Variants in KCNIP1 observed in about 807,000 individuals in gnomAD.
KCNIP1 encodes the protein A-type potassium channel modulatory protein KCNIP1.
In KCNIP1, 18 loss-of-function variants were observed where a neutral mutation model predicts 33.0. That is an observed-to-expected ratio of 0.55 (90% CI 0.38 to 0.81). The LOEUF (loss-of-function observed/expected upper bound fraction) is 0.81, where lower values mean the gene tolerates loss of function less well. Ranked by LOEUF, KCNIP1 falls within the 30% of genes least tolerant of loss-of-function variation. KCNIP1 has a pLI of 0.00. For missense variants in KCNIP1, 238 were observed against 271.6 expected, an observed-to-expected ratio of 0.88 and a Z score of 0.87; for synonymous variants, 93 against 98.3, an observed-to-expected ratio of 0.95 and a Z score of 0.32.
intron 1 of KCNIP1, among the ~76,000 whole-genome samples, chr5:170,636,378 C>T (rs1315386464): frequency 1.3e-5 from 2 of 152,060 alleles, no homozygotes; most frequent in African/African-American, 4.8e-5. Flanking sequence ...CAGAGGGTGG[C>T]GGGCCAACAG....
chr5:170,702,835 T>C (rs1482430254), intron 1 of KCNIP1, among the ~76,000 whole-genome samples: 1 of 151,182 alleles, frequency 6.6e-6, no homozygotes, highest in Non-Finnish European at 1.5e-5. Context: ...CAATTAAAGC[T>C]ATGAGAGAAT....
chr5:170,645,478 A>G (rs750977858), intron 1 of KCNIP1, among the ~76,000 whole-genome samples: 14 of 152,226 alleles, frequency 9.2e-5, no homozygotes, highest in Non-Finnish European at 1.6e-4. Context: ...AGAAGACAAA[A>G]AATGATATAA....
intron 2 of KCNIP1, among the ~76,000 whole-genome samples, chr5:170,719,889 C>A (rs187376416): frequency 7.3e-5 from 11 of 150,566 alleles, no homozygotes; most frequent in Non-Finnish European, 1.3e-4. Context: ...TCAGAGGGAA[C>A]AGCATCCAGA....
intron 1 of KCNIP1, among the ~76,000 whole-genome samples, chr5:170,517,607 G>T (rs2113291757): frequency 6.6e-6 from 1 of 152,128 alleles, no homozygotes; most frequent in Admixed American, 6.5e-5. Flanking sequence ...TGATGGTGAT[G>T]ATGATGATAA....
chr5:170,655,228 G>A (rs1040608195), intron 1 of KCNIP1, among the ~76,000 whole-genome samples: 3 of 152,094 alleles, frequency 2.0e-5, no homozygotes, highest in African/African-American at 7.2e-5. Flanking sequence ...TCTTTCTTTA[G>A]TTGTGCATTA....
chr5:170,711,139 A>T lies in KCNIP1; in HGVS notation c.62-7619A>T, dbSNP rs139287705. Among the ~76,000 whole-genome samples, 45 of 152,368 alleles carry T rather than the reference A, an allele frequency of 3.0e-4. No individual in the cohort carries two copies. In the East Asian group the frequency reaches 8.5e-3, roughly 29 times the overall value. On this transcript the variant is annotated intron_variant, in intron 1 of 7. Coordinates refer to ENST00000328939, the MANE Select transcript of KCNIP1 (RefSeq NM_014592.4). ...CTCACTGGGCTTAAATGACTGCATG[A>T]TAACAACTGGTTGAGTAACAACTGT...
Position 170,508,430 on chromosome 5 carries a change from G to T in KCNIP1, c.61+3797G>T, listed in dbSNP as rs193156564. Among the ~76,000 whole-genome samples the T allele has an allele frequency of 1.1e-3, 169 of 152,322 alleles. 1 individual carries two copies. The highest frequency in any genetic ancestry group is 0.01 in the Middle Eastern group (3 of 294). On this transcript the variant is annotated intron_variant, in intron 1 of 7. Coordinates refer to ENST00000328939, the MANE Select transcript of KCNIP1 (RefSeq NM_014592.4). ...GAACTTATGGAAGCAGAGTGTACCTGATGAGACTGGGTTTAGGGTTTATTG... is the reference window on the plus strand; with the variant it reads ...GAACTTATGGAAGCAGAGTGTACCTTATGAGACTGGGTTTAGGGTTTATTG...
At chr5:170,668,570 G>A (rs1394423524) in intron 1 of KCNIP1, among the ~76,000 whole-genome samples, 1 of 152,224 alleles carries the variant, frequency 6.6e-6, no homozygotes, top group African/African-American at 2.4e-5. Flanking sequence ...CAAATAAAGA[G>A]ATTGGCATAC....
chr5:170,425,216 C>T (rs1755585478), intron 1 of KCNIP1, among the ~76,000 whole-genome samples: 1 of 152,342 alleles, frequency 6.6e-6, no homozygotes, highest in Admixed American at 6.5e-5. Flanking sequence ...GGCGGTTCTC[C>T]ACTGCTTCCC....
intron 1 of KCNIP1, among the ~76,000 whole-genome samples, chr5:170,372,334 C>T (rs530421459): frequency 3.3e-5 from 5 of 152,260 alleles, no homozygotes; most frequent in Non-Finnish European, 7.4e-5. Flanking sequence ...AGCACCTTGA[C>T]GTGTTCACCA....
chr5:170,413,378 T>C (rs1323401798), intron 1 of KCNIP1, among the ~76,000 whole-genome samples: 2 of 152,180 alleles, frequency 1.3e-5, no homozygotes, highest in Non-Finnish European at 2.9e-5. Flanking sequence ...TTTCTAAACA[T>C]AGCTACACAA....
At position 170,489,352 on chromosome 5, in the gene KCNIP1, T is replaced by C. The variant is rs1476173053; in HGVS notation, c.88+135388T>C. ...GCAGAGAAGGAATGAGACTGTCTGG[T>C]TGCCGCTAGACTTTGGCCAGGGCTG... On this transcript the variant is annotated intron_variant, in intron 1 of 7. Transcript: ENST00000377360. The surrounding 1 kb of genome is among the most constrained non-coding windows in gnomAD (Gnocchi z 4.3). Among the ~76,000 whole-genome samples the C allele has an allele frequency of 6.6e-6, 1 of 152,218 alleles. No homozygotes were observed. Among genetic ancestry groups the C allele is most frequent in the Non-Finnish European group, 1.5e-5 (1 of 68,032 alleles).
chr5:170,492,103 C>T lies in KCNIP1; in HGVS notation c.88+138139C>T, dbSNP rs1186727466. 2.0e-5 allele frequency among the ~76,000 whole-genome samples: 3 copies of T among 152,320 alleles called. No individual in the cohort carries two copies. In the East Asian group the frequency reaches 5.8e-4, roughly 29 times the overall value. On this transcript the variant is annotated intron_variant, in intron 1 of 7. Coordinates refer to the KCNIP1 transcript ENST00000377360. ...AACTATCCAGAGTTAGCAGAGGCCCCACAGGTTAAAGGCCTCGTCCCACAA... is the reference window on the plus strand; with the variant it reads ...AACTATCCAGAGTTAGCAGAGGCCCTACAGGTTAAAGGCCTCGTCCCACAA...
At chr5:170,381,166 T>A (rs1038281978) in intron 1 of KCNIP1, among the ~76,000 whole-genome samples, 13 of 152,164 alleles carry the variant, frequency 8.5e-5, no homozygotes, top group African/African-American at 3.1e-4. Context: ...TGGGCCTGTT[T>A]GGCAAGACAC....
At position 170,454,863 on chromosome 5, in the gene KCNIP1, T is replaced by C. The variant is rs191652030; in HGVS notation, c.88+100899T>C. Among the ~76,000 whole-genome samples the C allele has an allele frequency of 2.0e-5, 3 of 152,258 alleles. No individual in the cohort carries two copies. The East Asian group carries it at 5.8e-4, about 29-fold the overall frequency. On this transcript the variant is annotated intron_variant, in intron 1 of 7. Transcript: ENST00000377360. ...CTTTTACCCTCACTACAAAGTTCAA[T>C]GAAGGTTAAAAAAATATTGTTCTTA... is the stretch of plus-strand genomic sequence containing the variant.
At chr5:170,466,711 A>T (rs949803841) in intron 1 of KCNIP1, among the ~76,000 whole-genome samples, 1 of 152,126 alleles carries the variant, frequency 6.6e-6, no homozygotes, top group Non-Finnish European at 1.5e-5. Flanking sequence ...CTATGTTCTC[A>T]CATGGTAGAG....
At chr5:170,699,555 TG>T (rs532415465) in intron 1 of KCNIP1, among the ~76,000 whole-genome samples, 11,309 of 118,092 alleles carry the variant, frequency 0.096, 548 homozygotes, top group Middle Eastern at 0.15. Context: ...AATTGCTCTG[TG>T]AAAAAAAAAA....
chr5:170,714,399 C>T (rs1763571658), intron 1 of KCNIP1, among the ~76,000 whole-genome samples: 1 of 152,204 alleles, frequency 6.6e-6, no homozygotes, highest in South Asian at 2.1e-4. Flanking sequence ...CGACTTAGGA[C>T]TCAGACAAAG....
intron 1 of KCNIP1, among the ~76,000 whole-genome samples, chr5:170,451,686 A>G (rs1005940307): frequency 2.0e-5 from 3 of 149,540 alleles, no homozygotes; most frequent in Admixed American, 1.3e-4. Context: ...TGTACATACT[A>G]TATGTTTTCC....
Sources: allele counts gnomAD v4.1 joint callset (sites outside exome capture counted in the v4.1 genomes callset), GRCh38; gene constraint gnomAD v4.1.1; non-coding constraint Gnocchi (gnomAD v3.1); transcripts MANE v1.5; gene names NCBI Gene and HGNC (gene_info 2026-07-23, HGNC 2026-07-21).